Variants in SH3TC2 observed in about 807,000 individuals in gnomAD.
SH3TC2 encodes SH3 domain and tetratricopeptide repeats 2.
A neutral mutation model predicts 124.5 loss-of-function variants in SH3TC2; 87 were observed. That is an observed-to-expected ratio of 0.70 (90% CI 0.59 to 0.84). The LOEUF is 0.84. Among genes scored for constraint, SH3TC2 ranks in the 40% least tolerant of loss-of-function variants. The pLI is 0.00. For synonymous variants in SH3TC2, 634 were observed against 628.5 expected, an observed-to-expected ratio of 1.01 and a Z score of -0.13; for missense variants, 1,536 against 1,566.4, an observed-to-expected ratio of 0.98 and a Z score of 0.33.
At chr5:149,013,871 A>G (rs1407720892) in intron 12 of SH3TC2, among the ~76,000 whole-genome samples, 1 of 152,148 alleles carries the variant, frequency 6.6e-6, no homozygotes, top group Non-Finnish European at 1.5e-5. Flanking sequence ...CTGCCACACT[A>G]TTTCCCAGTG....
intron 16 of SH3TC2, among the ~76,000 whole-genome samples, chr5:149,005,377 T>A (rs375897666): frequency 3.9e-5 from 6 of 152,042 alleles, no homozygotes; most frequent in South Asian, 4.1e-4. Context: ...AGGAATACAA[T>A]GAGAGGTGGG....
intron 1 of SH3TC2, among the ~76,000 whole-genome samples, chr5:149,061,351 C>A (rs1291143833): frequency 6.6e-6 from 1 of 152,140 alleles, no homozygotes; most frequent in African/African-American, 2.4e-5. Flanking sequence ...ATGAGCAGAG[C>A]TCTCTGAGGC....
rs1229093996 is a variant in SH3TC2, at chr5:149,042,820, G to T, written c.403C>A (p.Leu135Ile). 6.2e-7 allele frequency: 1 copy of T among 1,614,028 alleles called. No homozygotes were observed. Among genetic ancestry groups the T allele is most frequent in the East Asian group, 2.2e-5 (1 of 44,878 alleles). Reference sequence around the variant, plus strand: ...TTGTGGTCAAAGAGGAGATGTTCTAGACACATGGATACGTAGCCTAAGAAG... The same window carrying T: ...TTGTGGTCAAAGAGGAGATGTTCTATACACATGGATACGTAGCCTAAGAAG... Reference protein sequence around the residue: ...YLNLGYVSMCLEHLLFDHKYW... With the variant: ...YLNLGYVSMCIEHLLFDHKYW... Residue 135 changes from leucine to isoleucine, a missense_variant, in exon 5 of 17, where the codon CTA becomes ATA. Around this residue, in one of 3 missense-constraint regions of SH3TC2, gnomAD observed 1,102 missense variants for 1,098.6 expected, o/e 1.00. Transcript: ENST00000515425.
At chr5:149,029,254 C>G (rs558709078) in intron 9 of SH3TC2, among the ~76,000 whole-genome samples, 1 of 152,174 alleles carries the variant, frequency 6.6e-6, no homozygotes, top group Non-Finnish European at 1.5e-5. Context: ...GTCCACTGGG[C>G]TGGACACTGT....
At position 148,990,766 on chromosome 5, in the gene SH3TC2, G is replaced by C. The variant is rs1753408192; in HGVS notation, c.*13945C>G. On this transcript the variant is annotated 3_prime_UTR_variant, in exon 17 of 17. Coordinates refer to ENST00000515425, the MANE Select transcript of SH3TC2 (RefSeq NM_024577.4). ...AACATTAGCTGTGTTATTTATTATA[G>C]AGTATACAGGATACAAAATATAATA... Among the ~76,000 whole-genome samples the C allele has an allele frequency of 6.6e-6, 1 of 152,100 alleles. No individual in the cohort carries two copies. The highest frequency in any genetic ancestry group is 6.5e-5 in the Admixed American group (1 of 15,278).
At chr5:149,047,694 C>T in intron 3 of SH3TC2, 168 bp downstream of exon 3, 2 of 924,862 alleles carry the variant, frequency 2.2e-6, no homozygotes, top group South Asian at 2.8e-5. Flanking sequence ...CACTCCTCTC[C>T]ACTCCTGTGC....
chr5:149,016,937 A>G (rs1561760395), intron 12 of SH3TC2, among the ~76,000 whole-genome samples: 5 of 152,030 alleles, frequency 3.3e-5, no homozygotes, highest in Admixed American at 1.3e-4. Context: ...AAAAAAAAAA[A>G]AAAAAAGAAT....
chr5:149,061,135 C>T (rs908408592), intron 1 of SH3TC2, among the ~76,000 whole-genome samples: 6 of 152,082 alleles, frequency 3.9e-5, no homozygotes, highest in Admixed American at 2.0e-4. Context: ...AAGGTGAATG[C>T]GGGGTGCCAG....
At position 149,026,914 on chromosome 5, in the gene SH3TC2, G is replaced by T. The variant is rs1380115510; in HGVS notation, c.2818C>A (p.Leu940Ile). 1 of 1,614,068 alleles carries T rather than the reference G, an allele frequency of 6.2e-7. No individual in the cohort carries two copies. Among genetic ancestry groups the T allele is most frequent in the Non-Finnish European group, 8.5e-7 (1 of 1,180,048 alleles). ...LVSGHQLTHG[L>I]LCYEMALLFG... is the part of the protein sequence containing the mutation. ...AGCAATGCCATTTCATAACAAAGAA[G>T]GCCATGGGTCAGCTGGTGTCCAGAC... is the stretch of plus-strand genomic sequence containing the variant. The change falls in exon 11 of 17, where the codon CTT becomes ATT. Residue 940 changes from leucine to isoleucine, a missense_variant. Leu to Ile is a conservative substitution (Grantham distance 5). Around this residue, in one of 3 missense-constraint regions of SH3TC2, gnomAD observed 426 missense variants for 443.5 expected, o/e 0.96. Coordinates refer to ENST00000515425, the MANE Select transcript of SH3TC2 (RefSeq NM_024577.4).
rs928314471 is a variant in SH3TC2, at chr5:149,006,750, T to G, written c.3675+131A>C. ...CCCTGTAAAGCCACTCCTCACCCTA[T>G]GAGACAAGACTTCTCATCTTGGCAC... On this transcript the variant is annotated intron_variant, in intron 16 of 16. Transcript: ENST00000515425. 7 of 939,068 alleles carry G rather than the reference T, an allele frequency of 7.5e-6. No individual in the cohort carries two copies. The Admixed American group carries it at 1.2e-4, about 16-fold the overall frequency. 58.2% of individuals were successfully genotyped at this position (939,068 alleles called of 1,614,324 possible). A position where few individuals can be genotyped will look rare whatever the true frequency, so the allele number is the denominator to read the frequency against.
In SH3TC2 at chr5:149,041,490, G is replaced by A. The variant is rs781321213; in HGVS notation, c.657C>T (p.Gly219=). The A allele has an allele frequency of 1.1e-5, 17 of 1,613,982 alleles. No individual in the cohort carries two copies. The highest frequency in any genetic ancestry group is 1.4e-5 in the Non-Finnish European group (16 of 1,180,032). Residue 219 remains glycine (G), a synonymous_variant, in exon 6 of 17, where the codon GGC becomes GGT. Coordinates refer to ENST00000515425, the MANE Select transcript of SH3TC2 (RefSeq NM_024577.4). ...KMAEAGSELE[G]VSLVTGQRGL... ...CCCGCTGACCTGTCACCAAAGACAC[G>A]CCTTCCAACTCGGAGCCAGCTTCTG...
chr5:148,998,420 TC>T lies in SH3TC2; in HGVS notation c.*6290del, dbSNP rs1182837479. ...GACAGCAATGGATTAGCCTGTCTTC[TC>T]ATTAGCCATGTGACTTCAACCATCC... On this transcript the variant is annotated 3_prime_UTR_variant, in exon 17 of 17. Transcript: ENST00000515425. Among the ~76,000 whole-genome samples, 1 of 152,228 alleles carries T rather than the reference TC, an allele frequency of 6.6e-6. No individual in the cohort carries two copies. The highest frequency in any genetic ancestry group is 1.5e-5 in the Non-Finnish European group (1 of 68,038).
In SH3TC2 at chr5:149,001,673, A is replaced by C. The variant is rs1187597481; in HGVS notation, c.*3038T>G. ...TGTAGTAATTGCAATTATATAGCAC[A>C]ATGTTTTTCTTATTTTAAAAAAATA... On this transcript the variant is annotated 3_prime_UTR_variant, in exon 17 of 17. Coordinates refer to ENST00000515425, the MANE Select transcript of SH3TC2 (RefSeq NM_024577.4). 1 of 152,204 alleles carries C rather than the reference A, an allele frequency of 6.6e-6. No individual in the cohort carries two copies. The highest frequency in any genetic ancestry group is 6.5e-5 in the Admixed American group (1 of 15,272). 9.4% of individuals were successfully genotyped at this position (152,204 alleles called of 1,614,324 possible).
intron 12 of SH3TC2, chr5:149,026,252 C>T (rs549992327): frequency 2.8e-6 from 1 of 357,668 alleles, no homozygotes; most frequent in Non-Finnish European, 5.2e-6. Flanking sequence ...TTACTGAGAC[C>T]TATCTATGTA....
chr5:149,005,133 C>T (rs927932091), intron 16 of SH3TC2, among the ~76,000 whole-genome samples: 4 of 152,136 alleles, frequency 2.6e-5, no homozygotes, highest in African/African-American at 7.2e-5. Flanking sequence ...CAGAGGTGGT[C>T]CCTTACTGAG....
At chr5:149,018,063 C>G (rs1753904778) in intron 12 of SH3TC2, among the ~76,000 whole-genome samples, 1 of 152,222 alleles carries the variant, frequency 6.6e-6, no homozygotes, top group Admixed American at 6.5e-5. Flanking sequence ...TAACCCTGCT[C>G]TAGATACACA....
At chr5:149,019,309 T>A (rs1350050306) in intron 12 of SH3TC2, among the ~76,000 whole-genome samples, 1 of 151,896 alleles carries the variant, frequency 6.6e-6, no homozygotes, top group African/African-American at 2.4e-5. Flanking sequence ...TTTTTAATGT[T>A]CTGTAGGAGA....
chr5:148,988,574 G>A lies in SH3TC2; in HGVS notation c.*16137C>T, dbSNP rs1255085818. On this transcript the variant is annotated 3_prime_UTR_variant, in exon 17 of 17. Transcript: ENST00000515425. ...GCCACATGGAGTCGACATGGCTCAC[G>A]GCTCCAGTTGATCACAGCCCCAGCT... is the stretch of plus-strand genomic sequence containing the variant. Among the ~76,000 whole-genome samples the A allele has an allele frequency of 2.0e-5, 3 of 152,142 alleles. No individual in the cohort carries two copies. Among genetic ancestry groups the A allele is most frequent in the Non-Finnish European group, 4.4e-5 (3 of 68,010 alleles).
chr5:149,031,768 A>G, intron 8 of SH3TC2, 81 bp from the exon 9 acceptor site: 1 of 1,580,564 alleles, frequency 6.3e-7, no homozygotes, highest in Non-Finnish European at 8.6e-7. Flanking sequence ...ACTAGGATGT[A>G]GTGGAGGATG....
Sources: gnomAD v4.1 joint callset for allele counts (sites outside exome capture counted in the v4.1 genomes callset) on GRCh38, gnomAD v4.1.1 for gene constraint, gnomAD v4.1.1 regional missense constraint, MANE v1.5 for transcripts, NCBI Gene and HGNC (gene_info 2026-07-23, HGNC 2026-07-21) for gene names.